The following GUCY1A2 variants were observed in gnomAD, a reference collection of about 807,000 sequenced individuals.
GUCY1A2 encodes the protein guanylate cyclase soluble subunit alpha-2.
Under a neutral mutation model 63.5 loss-of-function variants are expected in GUCY1A2, and 27 were observed. The ratio of observed to expected loss-of-function variants is 0.43; its 90% confidence interval spans 0.31 to 0.59. GUCY1A2 has a LOEUF of 0.59. Among genes scored for constraint, GUCY1A2 ranks in the 20% least tolerant of loss-of-function variants. GUCY1A2 has a pLI of 0.11. For synonymous variants in GUCY1A2, 364 were observed against 343.5 expected, an observed-to-expected ratio of 1.06 and a Z score of -0.66; for missense variants, 768 against 913.3, an observed-to-expected ratio of 0.84 and a Z score of 2.05.
At chr11:106,739,205 G>T (rs1863645632) in intron 6 of GUCY1A2, among the ~76,000 whole-genome samples, 1 of 152,112 alleles carries the variant, frequency 6.6e-6, no homozygotes, top group African/African-American at 2.4e-5. Flanking sequence ...TCTATTATTG[G>T]TGTATAGGAA....
At chr11:106,863,539 T>C (rs1859544191) in intron 4 of GUCY1A2, among the ~76,000 whole-genome samples, 1 of 152,206 alleles carries the variant, frequency 6.6e-6, no homozygotes, top group Admixed American at 6.5e-5. Context: ...TTGGTTGCTG[T>C]AGCCTTGTAG....
chr11:106,818,674 C>T (rs966088656), intron 4 of GUCY1A2, among the ~76,000 whole-genome samples: 5 of 152,116 alleles, frequency 3.3e-5, no homozygotes, highest in African/African-American at 1.2e-4. Flanking sequence ...AAGCAGAAAA[C>T]TACACCTCTT....
chr11:106,800,632 G>A (rs1165318527), intron 5 of GUCY1A2, among the ~76,000 whole-genome samples: 26 of 151,986 alleles, frequency 1.7e-4, no homozygotes, highest in African/African-American at 2.2e-4. Flanking sequence ...GCAAACTATC[G>A]CAAGGACAAA....
chr11:106,958,889 G>A (rs915618865), intron 3 of GUCY1A2, among the ~76,000 whole-genome samples: 18 of 152,166 alleles, frequency 1.2e-4, no homozygotes, highest in Non-Finnish European at 2.6e-4. Context: ...GCCTTGTGCC[G>A]TTCACATTTT....
intron 6 of GUCY1A2, among the ~76,000 whole-genome samples, chr11:106,712,718 A>C (rs1475915638): frequency 6.6e-6 from 1 of 152,166 alleles, no homozygotes; most frequent in African/African-American, 2.4e-5. Context: ...TGTTTCATGA[A>C]GGGCTAATTA....
At chr11:107,016,193 G>A (rs1591365369) in intron 1 of GUCY1A2, among the ~76,000 whole-genome samples, 1 of 152,194 alleles carries the variant, frequency 6.6e-6, no homozygotes, top group South Asian at 2.1e-4. Flanking sequence ...AGACTCAACA[G>A]TAATCAAACA....
rs1862449398 is a variant in GUCY1A2, at chr11:106,682,532, G to A, written c.*5017C>T. On this transcript the variant is annotated 3_prime_UTR_variant, in exon 8 of 8. Transcript: ENST00000526355. ...CAGATCAGCTGAACCACTGAACTAGGTCATTTCTTAAGGATGGGATGGCAA... is the reference window on the plus strand; with the variant it reads ...CAGATCAGCTGAACCACTGAACTAGATCATTTCTTAAGGATGGGATGGCAA... 9.5e-6 allele frequency: 2 copies of A among 210,796 alleles called. No homozygotes were observed. The highest frequency in any genetic ancestry group is 4.5e-5 in the African/African-American group (2 of 44,098). 13.1% of individuals were successfully genotyped at this position (210,796 alleles called of 1,614,324 possible).
At chr11:106,747,022 C>A (rs912669496) in intron 6 of GUCY1A2, among the ~76,000 whole-genome samples, 1 of 152,194 alleles carries the variant, frequency 6.6e-6, no homozygotes, top group Non-Finnish European at 1.5e-5. Context: ...GAGTCTCGCT[C>A]TGTCGCCCAC....
chr11:106,964,400 T>C (rs1861100237), intron 3 of GUCY1A2, among the ~76,000 whole-genome samples: 1 of 152,174 alleles, frequency 6.6e-6, no homozygotes. Flanking sequence ...TACAAAGAGT[T>C]AAATAGGCCC....
chr11:106,754,454 C>T (rs1037563499), intron 6 of GUCY1A2, among the ~76,000 whole-genome samples: 6 of 152,134 alleles, frequency 3.9e-5, no homozygotes, highest in African/African-American at 1.4e-4. Context: ...GGGAATGCTT[C>T]CAGTTTTTGC....
intron 5 of GUCY1A2, among the ~76,000 whole-genome samples, chr11:106,777,445 CAAAAA>C (rs34353077): frequency 2.2e-5 from 2 of 91,402 alleles, no homozygotes; most frequent in African/African-American, 4.3e-5. Context: ...GACTTGGTCT[CAAAAA>C]AAAAAAAAAA....
chr11:106,863,293 T>A (rs905103579), intron 4 of GUCY1A2, among the ~76,000 whole-genome samples: 3 of 152,170 alleles, frequency 2.0e-5, no homozygotes, highest in Non-Finnish European at 4.4e-5. Context: ...AAGTCTTTAA[T>A]CCACCTCGAG....
intron 6 of GUCY1A2, among the ~76,000 whole-genome samples, chr11:106,768,696 A>C (rs2135397082): frequency 6.6e-6 from 1 of 152,302 alleles, no homozygotes; most frequent in South Asian, 2.1e-4. Context: ...TAACAAAGTA[A>C]CGAAAAATTA....
At chr11:106,881,670 G>A (rs2135471807) in intron 4 of GUCY1A2, among the ~76,000 whole-genome samples, 1 of 152,074 alleles carries the variant, frequency 6.6e-6, no homozygotes, top group East Asian at 1.9e-4. Context: ...CTTCTCCCCA[G>A]AGGTAATCCA....
At position 106,687,485 on chromosome 11, in the gene GUCY1A2, C is replaced by T; in HGVS notation, c.*64G>A. The T allele has an allele frequency of 8.7e-7, 1 of 1,154,426 alleles. No individual in the cohort carries two copies. Among genetic ancestry groups the T allele is most frequent in the Non-Finnish European group, 1.3e-6 (1 of 765,260 alleles). The allele number at this position is 1,154,426 out of a possible 1,614,324, so 71.5% of individuals were successfully genotyped here. A position where few individuals can be genotyped will look rare whatever the true frequency, so the allele number is the denominator to read the frequency against. On this transcript the variant is annotated 3_prime_UTR_variant, in exon 8 of 8. Coordinates refer to ENST00000526355, the MANE Select transcript of GUCY1A2 (RefSeq NM_000855.3). ...GAAAGAGACACAATCTCTTTCCACCCCCCATTGGTGACCCATGTTCTGGGC... is the reference window on the plus strand; with the variant it reads ...GAAAGAGACACAATCTCTTTCCACCTCCCATTGGTGACCCATGTTCTGGGC...
intron 5 of GUCY1A2, among the ~76,000 whole-genome samples, chr11:106,784,211 C>T (rs183784146): frequency 1.7e-3 from 260 of 152,262 alleles, no homozygotes; most frequent in Non-Finnish European, 5.1e-4. Flanking sequence ...AAATGGCACA[C>T]TCCTCAGTTG....
intron 4 of GUCY1A2, among the ~76,000 whole-genome samples, chr11:106,830,563 T>C (rs1010895979): frequency 6.6e-6 from 1 of 152,158 alleles, no homozygotes; most frequent in Non-Finnish European, 1.5e-5. Context: ...AGTTGAAATA[T>C]TAAACTGGCT....
chr11:106,759,909 T>C (rs1864036274), intron 6 of GUCY1A2, among the ~76,000 whole-genome samples: 1 of 152,176 alleles, frequency 6.6e-6, no homozygotes, highest in Non-Finnish European at 1.5e-5. Context: ...CATTCCAGCC[T>C]AGGTGACAAG....
chr11:106,850,016 T>G (rs545057755), intron 4 of GUCY1A2, among the ~76,000 whole-genome samples: 1 of 151,714 alleles, frequency 6.6e-6, no homozygotes, highest in Non-Finnish European at 1.5e-5. Context: ...ACGAAGAAAC[T>G]TTGTATTCCA....
Sources: allele counts gnomAD v4.1 joint callset (sites outside exome capture counted in the v4.1 genomes callset), GRCh38; gene constraint gnomAD v4.1.1; transcripts MANE v1.5; gene names NCBI Gene and HGNC (gene_info 2026-07-23, HGNC 2026-07-21).